The following ZNF608 variants were observed in gnomAD, a reference collection of about 807,000 sequenced individuals.
ZNF608 encodes zinc finger protein 608, also known as renal carcinoma antigen NY-REN-36.
Under a neutral mutation model 109.0 loss-of-function variants are expected in ZNF608, and 12 were observed. The ratio of observed to expected loss-of-function variants is 0.11; its 90% CI spans 0.07 to 0.18. The LOEUF is 0.18. Ranked by LOEUF, ZNF608 falls within the 10% of genes least tolerant of loss-of-function variation. ZNF608 has a pLI of 1.00. For synonymous variants in ZNF608, 732 were observed against 717.4 expected (o/e 1.02, Z -0.33); for missense variants, 1,707 against 1,879.3 (o/e 0.91, Z 1.70).
Position 124,744,076 on chromosome 5 carries a change from T to TA in ZNF608, c.906+7dup, listed in dbSNP as rs1749535777. ...AGTAGGACATCTAGGAAGGCGACTT[T>TA]ATCCTACCTTCTCAGTTTTCAGTTT... is the stretch of plus-strand genomic sequence containing the variant. On this transcript the variant is annotated splice_region_variant and intron_variant, in intron 2 of 9. Coordinates refer to ENST00000513986, the MANE Select transcript of ZNF608 (RefSeq NM_020747.3). The surrounding 1 kb of genome is among the most constrained non-coding windows in gnomAD (Gnocchi z 4.5). 6.4e-7 allele frequency: 1 copy of TA among 1,571,458 alleles called. No homozygotes were observed. Among genetic ancestry groups the TA allele is most frequent in the Non-Finnish European group, 8.6e-7 (1 of 1,158,754 alleles).
intron 3 of ZNF608, among the ~76,000 whole-genome samples, chr5:124,680,949 C>T (rs112315027): frequency 0.012 from 1,759 of 151,992 alleles, 29 homozygotes; most frequent in African/African-American, 0.04. Flanking sequence ...AAATACAAAA[C>T]GCATATAAAC....
chr5:124,651,245 G>C (rs187993774), intron 3 of ZNF608, among the ~76,000 whole-genome samples: 32 of 152,190 alleles, frequency 2.1e-4, no homozygotes, highest in Admixed American at 5.2e-4. Flanking sequence ...TGGTAATTAG[G>C]CATTTGGTCA....
At chr5:124,698,553 C>A (rs1279961078) in intron 3 of ZNF608, among the ~76,000 whole-genome samples, 1 of 152,136 alleles carries the variant, frequency 6.6e-6, no homozygotes, top group Non-Finnish European at 1.5e-5. Context: ...GTCCGCTGTA[C>A]GAATGTACAA....
rs1474690445 is a variant in ZNF608, at chr5:124,636,934, CTT to C, written c.*964_*965del. 1 of 141,314 alleles carries C rather than the reference CTT, an allele frequency of 7.1e-6. No individual in the cohort carries two copies. Among genetic ancestry groups the C allele is most frequent in the Non-Finnish European group, 1.6e-5 (1 of 64,080 alleles). The allele number at this position is 141,314 out of a possible 1,614,324, so 8.8% of individuals were successfully genotyped here. ...AAGCCATTATTTAAAAAAAAAAAAA[CTT>C]TTTAATTCTGATTGCCAAATTATTT... On this transcript the variant is annotated 3_prime_UTR_variant, in exon 10 of 10. Coordinates refer to ENST00000513986, the MANE Select transcript of ZNF608 (RefSeq NM_020747.3).
At chr5:124,737,597 C>A (rs963172914) in intron 2 of ZNF608, among the ~76,000 whole-genome samples, 1 of 152,138 alleles carries the variant, frequency 6.6e-6, no homozygotes, top group African/African-American at 2.4e-5. Context: ...TGGTTCAAGG[C>A]CCACAGACCT....
chr5:124,678,749 T>A (rs1215459185), intron 3 of ZNF608, among the ~76,000 whole-genome samples: 1 of 152,168 alleles, frequency 6.6e-6, no homozygotes, highest in Admixed American at 6.6e-5. Flanking sequence ...TCCCTCTGAT[T>A]CTTCCTTTCC....
intron 2 of ZNF608, among the ~76,000 whole-genome samples, chr5:124,724,457 T>C (rs1396409208): frequency 7.8e-6 from 1 of 128,386 alleles, no homozygotes; most frequent in Non-Finnish European, 1.6e-5. Flanking sequence ...GTCTCCTAAG[T>C]AGGAGACATG....
intron 2 of ZNF608, among the ~76,000 whole-genome samples, chr5:124,738,526 C>A (rs1288362516): frequency 1.3e-5 from 2 of 152,260 alleles, no homozygotes; most frequent in East Asian, 1.9e-4. Flanking sequence ...CATGATCCTG[C>A]CACCTCTTCT....
At chr5:124,703,309 T>C (rs951124577) in intron 2 of ZNF608, among the ~76,000 whole-genome samples, 7 of 152,202 alleles carry the variant, frequency 4.6e-5, no homozygotes, top group African/African-American at 1.4e-4. Context: ...ATGAGTCTTA[T>C]AGCGTATCAG....
intron 2 of ZNF608, among the ~76,000 whole-genome samples, chr5:124,704,114 T>G (rs1197525787): frequency 6.6e-6 from 1 of 152,220 alleles, no homozygotes; most frequent in Non-Finnish European, 1.5e-5. Context: ...TTCAACATGT[T>G]TTAAAATGAG....
intron 2 of ZNF608, chr5:124,710,102 T>C (rs1206598271): frequency 5.1e-6 from 2 of 390,564 alleles, no homozygotes; most frequent in Middle Eastern, 3.6e-4. Flanking sequence ...CATTGATAAA[T>C]ACATTGTCCT....
chr5:124,662,059 A>C (rs1020594455), intron 3 of ZNF608, among the ~76,000 whole-genome samples: 3 of 152,168 alleles, frequency 2.0e-5, no homozygotes, highest in Admixed American at 6.5e-5. Context: ...TTTTTTCATG[A>C]ATTCAAAATT....
chr5:124,669,799 C>G (rs1017229512), intron 3 of ZNF608, among the ~76,000 whole-genome samples: 12 of 152,138 alleles, frequency 7.9e-5, no homozygotes, highest in African/African-American at 2.9e-4. Flanking sequence ...AGATACTAAT[C>G]CCTAGCTCTC....
At chr5:124,676,988 T>C (rs1031317358) in intron 3 of ZNF608, among the ~76,000 whole-genome samples, 2 of 152,244 alleles carry the variant, frequency 1.3e-5, no homozygotes, top group Non-Finnish European at 2.9e-5. Context: ...AAAAAAGTCC[T>C]GAAAGTGAAA....
At chr5:124,656,390 A>G (rs1024010865) in intron 3 of ZNF608, among the ~76,000 whole-genome samples, 4 of 152,296 alleles carry the variant, frequency 2.6e-5, no homozygotes, top group Admixed American at 2.6e-4. Flanking sequence ...CAGCGGCTGG[A>G]ATATGTTGGC....
At chr5:124,718,481 C>T (rs946538558) in intron 2 of ZNF608, among the ~76,000 whole-genome samples, 1 of 152,204 alleles carries the variant, frequency 6.6e-6, no homozygotes, top group Non-Finnish European at 1.5e-5. Context: ...TGGTAGATAA[C>T]ACTGCTGTCT....
At chr5:124,685,713 G>A (rs373273911) in intron 3 of ZNF608, among the ~76,000 whole-genome samples, 3 of 152,046 alleles carry the variant, frequency 2.0e-5, no homozygotes, top group East Asian at 1.9e-4. Flanking sequence ...AACTCAGTAC[G>A]CGGCCAGCCC....
chr5:124,706,325 G>T (rs62370808), intron 2 of ZNF608, among the ~76,000 whole-genome samples: 1,670 of 152,244 alleles, frequency 0.011, 13 homozygotes, highest in Admixed American at 0.018. Context: ...TTAGCTCAGG[G>T]CCTGGTAGAA....
rs927819841 is a variant in ZNF608, at chr5:124,647,247, T to C, written c.3137A>G (p.Gln1046Arg). 2 of 1,614,116 alleles carry C rather than the reference T, an allele frequency of 1.2e-6. No individual in the cohort carries two copies. Among genetic ancestry groups the C allele is most frequent in the African/African-American group, 1.3e-5 (1 of 74,934 alleles). ...EDAEKKDKAE[Q>R]LDSKKVDHNS... ...GTGGTCCACTTTCTTAGAATCTAAC[T>C]GCTCTGCCTTGTCTTTCTTTTCAGC... The change falls in exon 5 of 10, where the codon CAG (glutamine) becomes CGG (arginine). Residue 1046 changes from glutamine to arginine, a missense_variant. Transcript: ENST00000513986.
Sources: gnomAD v4.1 joint callset for allele counts (sites outside exome capture counted in the v4.1 genomes callset) on GRCh38, gnomAD v4.1.1 for gene constraint, Gnocchi (gnomAD v3.1) non-coding constraint, MANE v1.5 for transcripts, NCBI Gene and HGNC (gene_info 2026-07-23, HGNC 2026-07-21) for gene names.